CARMIL3: variants seen among roughly 807,000 people sequenced by gnomAD.
CARMIL3 encodes the protein capping protein, Arp2/3 and myosin-I linker protein 3.
CARMIL3 carries 88 observed loss-of-function variants against 180.8 expected under a neutral mutation model. That is an observed-to-expected ratio of 0.49 (90% CI 0.41 to 0.58). The LOEUF (loss-of-function observed/expected upper bound fraction) is 0.58, where lower values mean the gene tolerates loss of function less well. Among genes scored for constraint, CARMIL3 ranks in the 20% least tolerant of loss-of-function variants. CARMIL3 has a pLI of 0.00. For missense variants in CARMIL3, 1,548 were observed against 1,787.0 expected (o/e 0.87, Z 2.41); for synonymous variants, 696 against 714.5 (o/e 0.97, Z 0.41).
intron 36 of CARMIL3, among the ~76,000 whole-genome samples, chr14:24,067,509 C>T (rs77525808): frequency 0.048 from 7,248 of 152,376 alleles, 256 homozygotes; most frequent in Non-Finnish European, 0.069. Context: ...TGGCTTGAGC[C>T]ACATGCTCCC....
Position 24,058,794 on chromosome 14 carries a change from G to C in CARMIL3, c.1474+33G>C, listed in dbSNP as rs774894065. ...GTGGTTCCTCCCTTCCCTGGGGCCA[G>C]GGGAGAACAGGGGCCTGGAGCATGC... On this transcript the variant is annotated intron_variant, in intron 18 of 39. Transcript: ENST00000342740. The surrounding 1 kb of genome is among the most constrained non-coding windows in gnomAD (Gnocchi z 6.4). 1.2e-6 allele frequency: 2 copies of C among 1,612,894 alleles called. No individual in the cohort carries two copies. The highest frequency in any genetic ancestry group is 1.7e-6 in the Non-Finnish European group (2 of 1,178,988).
In CARMIL3 at chr14:24,059,716, G is replaced by T; in HGVS notation, c.1852G>T (p.Ala618Ser). The change falls in exon 22 of 40, where the codon GCA becomes TCA. Residue 618 changes from alanine (A) to serine (S), a missense_variant. Ala to Ser is a moderately conservative substitution (Grantham distance 99). Transcript: ENST00000342740. The surrounding 1 kb of genome is among the most constrained non-coding windows in gnomAD (Gnocchi z 6.3). The part of the protein sequence containing the change: ...NTSALGFLDI[A>S]RALESNHTLR... ...ATCTGCCCTGGGCTTCCTGGACATC[G>T]CAAGGGCCCTGGAGAGGTGAGTAGA... is the stretch of plus-strand genomic sequence containing the variant. The T allele has an allele frequency of 6.2e-7, 1 of 1,614,008 alleles. No homozygotes were observed. The highest frequency in any genetic ancestry group is 8.5e-7 in the Non-Finnish European group (1 of 1,179,974).
In CARMIL3 at chr14:24,069,399, G is replaced by C. The variant is rs745353662; in HGVS notation, c.4114G>C (p.Asp1372His). Reference protein sequence around the residue: ...DPTGTSEPGTD With the variant: ...DPTGTSEPGTH Reference sequence around the variant, plus strand: ...AGCAGGAACCAGTGAGCCAGGAACAGACTGACAACTGCCACAACACCCTCC... The same window carrying C: ...AGCAGGAACCAGTGAGCCAGGAACACACTGACAACTGCCACAACACCCTCC... The change falls in exon 40 of 40, where the codon GAC (aspartate) becomes CAC (histidine). Residue 1372 changes from aspartate to histidine, a missense_variant. By Grantham distance (81) the Asp-to-His change is moderately conservative (BLOSUM62 -1). Transcript: ENST00000342740. The C allele has an allele frequency of 6.2e-7, 1 of 1,614,126 alleles. No homozygotes were observed. The highest frequency in any genetic ancestry group is 8.5e-7 in the Non-Finnish European group (1 of 1,180,016).
chr14:24,064,223 C>A, intron 31 of CARMIL3, 23 bp from the exon 32 acceptor site: 1 of 1,582,686 alleles, frequency 6.3e-7, no homozygotes, highest in East Asian at 2.3e-5. Context: ...ATGAGATGTC[C>A]CACGGGACTT....
In CARMIL3 at chr14:24,059,953, G is replaced by GTCCCA. The variant is rs767150166; in HGVS notation, c.1869-17_1869-16insTCCCA. 1.8e-4 allele frequency: 295 copies of GTCCCA among 1,613,514 alleles called. No homozygotes were observed. The highest frequency in any genetic ancestry group is 2.4e-4 in the Non-Finnish European group (289 of 1,179,826). ...TCCTCACCTGTTCCCACCCAGCTGT[G>GTCCCA]CCCCTGTGTCCCACAGCAACCACAC... On this transcript the variant is annotated splice_polypyrimidine_tract_variant and intron_variant, in intron 22 of 39. Coordinates refer to ENST00000342740, the MANE Select transcript of CARMIL3 (RefSeq NM_138360.4). This position sits in a 1 kb window ranked among gnomAD's most constrained non-coding sequence, Gnocchi z 6.3.
At chr14:24,055,842 G>T (rs1307932958) in intron 10 of CARMIL3, 53 bp downstream of exon 10, 3 of 1,525,076 alleles carry the variant, frequency 2.0e-6, no homozygotes, top group Non-Finnish European at 2.7e-6. Context: ...TAGTTTTAGG[G>T]TCCCAGAACC....
At chr14:24,062,421 A>T in intron 27 of CARMIL3, 59 bp from the exon 28 acceptor site, 1 of 1,465,864 alleles carries the variant, frequency 6.8e-7, no homozygotes, top group Non-Finnish European at 9.6e-7. Flanking sequence ...GGAGTGCCTC[A>T]GGGGCCATGC....
At chr14:24,056,572 C>T (rs780086322) in intron 11 of CARMIL3, 50 bp from the exon 12 acceptor site, 40 of 1,582,424 alleles carry the variant, frequency 2.5e-5, no homozygotes, top group Non-Finnish European at 3.0e-5. Flanking sequence ...GTGCCACCTG[C>T]ACCCACTGCC....
In CARMIL3 at chr14:24,064,989, G is replaced by A; in HGVS notation, c.3112G>A (p.Gly1038Arg). Residue 1038 changes from glycine to arginine, a missense_variant, in exon 33 of 40, where the codon GGA becomes AGA. Physicochemically the swap from Gly to Arg is moderately radical, Grantham distance 125. Around this residue, in one of 4 missense-constraint regions of CARMIL3, gnomAD observed 668 missense variants for 687.8 expected, o/e 0.97. Coordinates refer to ENST00000342740, the MANE Select transcript of CARMIL3 (RefSeq NM_138360.4). ...CCGGACTCTGAGGACCGTGCGGCCA[G>A]GACTCTCGGAGGCACCGCTGCCTCC... ...YPRTLRTVRPGLSEAPLPPLQ... is the reference protein window; with the variant it reads ...YPRTLRTVRPRLSEAPLPPLQ... 1 of 1,612,276 alleles carries A rather than the reference G, an allele frequency of 6.2e-7. No individual in the cohort carries two copies. The highest frequency in any genetic ancestry group is 8.5e-7 in the Non-Finnish European group (1 of 1,179,648).
rs754036638 is a variant in CARMIL3, at chr14:24,057,943, C to T, written c.1218-17C>T. ...GGCCAACCCCCTCCCTCGCTGACCC[C>T]AGGGGTCTCTCCACAGGAAGGGTCG... On this transcript the variant is annotated splice_polypyrimidine_tract_variant and intron_variant, in intron 15 of 39. Coordinates refer to ENST00000342740, the MANE Select transcript of CARMIL3 (RefSeq NM_138360.4). 6.2e-7 allele frequency: 1 copy of T among 1,613,470 alleles called. No individual in the cohort carries two copies. The highest frequency in any genetic ancestry group is 8.5e-7 in the Non-Finnish European group (1 of 1,179,980).
At position 24,054,225 on chromosome 14, in the gene CARMIL3, A is replaced by T. The variant is rs770380915; in HGVS notation, c.187-17A>T. 1 of 1,614,136 alleles carries T rather than the reference A, an allele frequency of 6.2e-7. No homozygotes were observed. Among genetic ancestry groups the T allele is most frequent in the Non-Finnish European group, 8.5e-7 (1 of 1,179,992 alleles). On this transcript the variant is annotated splice_polypyrimidine_tract_variant and intron_variant, in intron 3 of 39. Coordinates refer to ENST00000342740, the MANE Select transcript of CARMIL3 (RefSeq NM_138360.4). This position sits in a 1 kb window ranked among gnomAD's most constrained non-coding sequence, Gnocchi z 5.1. ...CCCAGGTCCTTACCAGGAGCTGAGC[A>T]TCTCCATCCCTCCTAGGTGGAGAGC...
chr14:24,052,028 G>T lies in CARMIL3; in HGVS notation c.-126G>T, dbSNP rs1232522251. On this transcript the variant is annotated 5_prime_UTR_variant, in exon 1 of 40. Transcript: ENST00000342740. ...GCGCTCAAGCAGCCGCCCCTGACCGGAGCGGGCTCGGCCGCTGCTGCAGCG... is the reference window on the plus strand; with the variant it reads ...GCGCTCAAGCAGCCGCCCCTGACCGTAGCGGGCTCGGCCGCTGCTGCAGCG... 9 of 918,710 alleles carry T rather than the reference G, an allele frequency of 9.8e-6. No homozygotes were observed. The highest frequency in any genetic ancestry group is 1.3e-5 in the Non-Finnish European group (9 of 669,606). 56.9% of individuals were successfully genotyped at this position (918,710 alleles called of 1,614,324 possible).
Position 24,062,712 on chromosome 14 carries a change from C to T in CARMIL3, c.2572C>T (p.Arg858Trp), listed in dbSNP as rs754074691. Residue 858 changes from arginine to tryptophan, a missense_variant, in exon 29 of 40, where the codon CGG (arginine) becomes TGG (tryptophan). Transcript: ENST00000342740. ...GTTCACACCTGCCCTTCCCCAGGCC[C>T]GGCACCTGACCCAGCTAAGGACGCT... is the stretch of plus-strand genomic sequence containing the variant. ...ELYHSHKSLA[R>W]HLTQLRTLSD... The T allele has an allele frequency of 6.8e-6, 11 of 1,607,244 alleles. No homozygotes were observed. Among genetic ancestry groups the T allele is most frequent in the South Asian group, 3.3e-5 (3 of 90,130 alleles).
rs1479852683 is a variant in CARMIL3 at position 24,058,516 on chromosome 14, G to A, written c.1393-164G>A. ...AGCCTTCCTGGCCGAAGGGAGGGAA[G>A]CCAGCTCTAGGGAAGGATCTGGTGT... On this transcript the variant is annotated intron_variant, in intron 17 of 39. Transcript: ENST00000342740. The surrounding 1 kb of genome is among the most constrained non-coding windows in gnomAD (Gnocchi z 6.4). 6.6e-6 allele frequency among the ~76,000 whole-genome samples: 1 copy of A among 152,202 alleles called. No homozygotes were observed. Among genetic ancestry groups the A allele is most frequent in the Non-Finnish European group, 1.5e-5 (1 of 68,032 alleles).
chr14:24,062,646 C>G, intron 28 of CARMIL3, 63 bp from the exon 29 acceptor site: 1 of 1,612,894 alleles, frequency 6.2e-7, no homozygotes, highest in Non-Finnish European at 8.5e-7. Context: ...ATCACCCTCC[C>G]CTTCAAGGCC....
chr14:24,053,632 C>T (rs1306037776), intron 1 of CARMIL3, 77 bp from the exon 2 acceptor site: 1 of 1,073,802 alleles, frequency 9.3e-7, no homozygotes, highest in Non-Finnish European at 1.4e-6. Context: ...CTGACCCTGC[C>T]TCTATCTGGA....
At chr14:24,066,761 G>T in intron 36 of CARMIL3, 105 bp downstream of exon 36, 3 of 1,150,060 alleles carry the variant, frequency 2.6e-6, no homozygotes, top group Non-Finnish European at 1.3e-6. Context: ...CCAAGGTGGG[G>T]CAGTGAGAAG....
chr14:24,063,088 C>T (rs374184762), intron 29 of CARMIL3, 32 bp from the exon 30 acceptor site: 4 of 1,606,956 alleles, frequency 2.5e-6, no homozygotes, highest in African/African-American at 2.7e-5. Context: ...GGGTGAGGTG[C>T]CTGGCCCTGC....
intron 23 of CARMIL3, 29 bp downstream of exon 23, chr14:24,060,092 C>A (rs987438783): frequency 6.2e-7 from 1 of 1,613,702 alleles, no homozygotes; most frequent in Non-Finnish European, 8.5e-7. Context: ...AGCAGGGTGG[C>A]ACAGCAAGGG....
Sources: gnomAD v4.1 joint callset for allele counts (sites outside exome capture counted in the v4.1 genomes callset) on GRCh38, gnomAD v4.1.1 for gene constraint, gnomAD v4.1.1 regional missense constraint, Gnocchi (gnomAD v3.1) non-coding constraint, MANE v1.5 for transcripts, NCBI Gene and HGNC (gene_info 2026-07-23, HGNC 2026-07-21) for gene names.